Variants in NDST4 observed in about 807,000 individuals in gnomAD.
NDST4 encodes the protein N-deacetylase and N-sulfotransferase 4.
In NDST4, 63 loss-of-function variants were observed where a neutral mutation model predicts 100.8. The ratio of observed to expected loss-of-function variants is 0.62; its 90% CI spans 0.51 to 0.77. The LOEUF (loss-of-function observed/expected upper bound fraction) is 0.77. NDST4 is among the 30% of genes least tolerant of loss of function. The pLI, the probability that NDST4 is intolerant of heterozygous loss-of-function variation, is 0.00. For missense variants in NDST4, 943 were observed against 1,018.4 expected (o/e 0.93, Z 1.01); for synonymous variants, 377 against 361.8 (o/e 1.04, Z -0.48).
At chr4:115,039,941 C>T (rs1728315416) in intron 2 of NDST4, among the ~76,000 whole-genome samples, 1 of 151,856 alleles carries the variant, frequency 6.6e-6, no homozygotes, top group African/African-American at 2.4e-5. Flanking sequence ...TTATACGCAA[C>T]CAATACTAAC....
intron 4 of NDST4, among the ~76,000 whole-genome samples, chr4:114,940,591 G>A (rs753767712): frequency 5.9e-5 from 9 of 152,182 alleles, no homozygotes; most frequent in Non-Finnish European, 1.0e-4. Context: ...ACCGGCAGGA[G>A]TAGTTGCACT....
intron 7 of NDST4, among the ~76,000 whole-genome samples, chr4:114,862,526 CTAAT>C (rs1723939526): frequency 6.6e-6 from 1 of 152,116 alleles, no homozygotes; most frequent in South Asian, 2.1e-4. Flanking sequence ...GAAGAGTAGA[CTAAT>C]TGATAATTCA....
chr4:114,894,180 C>A (rs1476026372), intron 6 of NDST4, among the ~76,000 whole-genome samples: 1 of 152,116 alleles, frequency 6.6e-6, no homozygotes, highest in Admixed American at 6.6e-5. Flanking sequence ...CATGATGCCT[C>A]CAGCTTTGTT....
intron 6 of NDST4, among the ~76,000 whole-genome samples, chr4:114,926,304 A>G (rs1725384998): frequency 1.3e-5 from 2 of 152,086 alleles, no homozygotes; most frequent in Non-Finnish European, 2.9e-5. Context: ...TTAATTTTCA[A>G]TTGTTAGGCT....
intron 2 of NDST4, among the ~76,000 whole-genome samples, chr4:115,012,785 A>G (rs974585624): frequency 1.3e-5 from 2 of 152,056 alleles, no homozygotes; most frequent in African/African-American, 4.8e-5. Context: ...CGTGGAAGCA[A>G]TCTAATTGTT....
intron 2 of NDST4, among the ~76,000 whole-genome samples, chr4:115,041,305 C>T (rs1181571040): frequency 6.6e-6 from 1 of 152,020 alleles, no homozygotes; most frequent in East Asian, 1.9e-4. Context: ...TGTTAAAGGA[C>T]AGACTATTAG....
At chr4:115,047,086 GA>G (rs920992099) in intron 2 of NDST4, among the ~76,000 whole-genome samples, 1 of 151,300 alleles carries the variant, frequency 6.6e-6, no homozygotes, top group East Asian at 1.9e-4. Context: ...AAATCCACTG[GA>G]AAAAAAATAC....
intron 2 of NDST4, among the ~76,000 whole-genome samples, chr4:114,998,079 G>T (rs1314412815): frequency 6.6e-6 from 1 of 151,976 alleles, no homozygotes; most frequent in Non-Finnish European, 1.5e-5. Flanking sequence ...CTTTATACTG[G>T]ATTCCTATAC....
chr4:115,045,345 A>G (rs1448093990), intron 2 of NDST4, among the ~76,000 whole-genome samples: 2 of 152,206 alleles, frequency 1.3e-5, no homozygotes, highest in African/African-American at 2.4e-5. Context: ...ACAAAACCAG[A>G]CAAAAACCTC....
Position 115,020,930 on chromosome 4 carries a change from G to A in NDST4, c.979-43656C>T, listed in dbSNP as rs146998774. Among the ~76,000 whole-genome samples the A allele has an allele frequency of 2.3e-3, 351 of 152,076 alleles. 1 individual carries two copies. The highest frequency in any genetic ancestry group is 8.0e-3 in the African/African-American group (334 of 41,498). On this transcript the variant is annotated intron_variant, in intron 2 of 13. Coordinates refer to ENST00000264363, the MANE Select transcript of NDST4 (RefSeq NM_022569.3). ...AAAAACAGTAGATATTGGCATGGAC[G>A]CGGTGAACGGGGAACACTTCTACAC...
intron 10 of NDST4, among the ~76,000 whole-genome samples, chr4:114,845,196 G>C (rs1188872832): frequency 6.6e-6 from 1 of 152,082 alleles, no homozygotes; most frequent in African/African-American, 2.4e-5. Flanking sequence ...GGCGGGTGTG[G>C]TGGTGTGTGC....
chr4:114,847,692 AT>A (rs1330479453), intron 9 of NDST4, among the ~76,000 whole-genome samples: 6 of 152,262 alleles, frequency 3.9e-5, no homozygotes, highest in African/African-American at 1.4e-4. Context: ...GTGTTACTTA[AT>A]ATTTATTTTA....
chr4:115,062,475 T>A (rs997857372), intron 2 of NDST4, among the ~76,000 whole-genome samples: 1 of 151,838 alleles, frequency 6.6e-6, no homozygotes, highest in African/African-American at 2.4e-5. Context: ...AAGCGATGCA[T>A]GATCATATTG....
At chr4:115,018,794 T>G (rs74930110) in intron 2 of NDST4, among the ~76,000 whole-genome samples, 1 of 151,978 alleles carries the variant, frequency 6.6e-6, no homozygotes, top group Non-Finnish European at 1.5e-5. Context: ...TATACATGCT[T>G]GGTAAAAATA....
At chr4:115,087,826 T>G (rs1940650815) in intron 1 of NDST4, among the ~76,000 whole-genome samples, 1 of 151,910 alleles carries the variant, frequency 6.6e-6, no homozygotes, top group African/African-American at 2.4e-5. Context: ...TTTTAGAAAC[T>G]CAACTGCTTT....
intron 1 of NDST4, among the ~76,000 whole-genome samples, chr4:115,090,202 T>C (rs561891280): frequency 6.5e-4 from 99 of 151,976 alleles, no homozygotes; most frequent in African/African-American, 1.8e-3. Context: ...GAAGGAAATA[T>C]ATATTTTTAC....
chr4:114,925,102 A>G (rs1578392125), intron 6 of NDST4, among the ~76,000 whole-genome samples: 1 of 152,064 alleles, frequency 6.6e-6, no homozygotes, highest in East Asian at 1.9e-4. Context: ...TGGAATATAT[A>G]ATTGCTTTGT....
chr4:114,995,737 T>A (rs1315708728), intron 2 of NDST4, among the ~76,000 whole-genome samples: 1 of 152,106 alleles, frequency 6.6e-6, no homozygotes, highest in Non-Finnish European at 1.5e-5. Context: ...GTTACAAATG[T>A]TTTTTAAAAT....
intron 6 of NDST4, among the ~76,000 whole-genome samples, chr4:114,909,489 T>G (rs1725018932): frequency 6.7e-6 from 1 of 148,654 alleles, no homozygotes; most frequent in African/African-American, 2.5e-5. Context: ...TGAAACCCCG[T>G]CTCTACTAAA....
Sources: allele counts gnomAD v4.1 joint callset (sites outside exome capture counted in the v4.1 genomes callset), GRCh38; gene constraint gnomAD v4.1.1; transcripts MANE v1.5; gene names NCBI Gene and HGNC (gene_info 2026-07-23, HGNC 2026-07-21).